EML5: variants seen among roughly 807,000 people sequenced by gnomAD.
The protein encoded by EML5 is EMAP like 5.
A neutral mutation model predicts 250.0 loss-of-function variants in EML5; 120 were observed. The ratio of observed to expected loss-of-function variants is 0.48; its 90% confidence interval spans 0.41 to 0.56. EML5 has a LOEUF of 0.56. EML5 is among the 20% of genes least tolerant of loss of function. The probability of loss-of-function intolerance (pLI) is 0.00; values close to 1 mark genes in which losing one functional copy is unlikely to be tolerated. For missense variants in EML5, 2,006 were observed against 2,437.6 expected (o/e 0.82, Z 3.73); for synonymous variants, 771 against 806.5 (o/e 0.96, Z 0.75).
chr14:88,789,318 T>C (rs2094583246), intron 1 of EML5, among the ~76,000 whole-genome samples: 1 of 152,156 alleles, frequency 6.6e-6, no homozygotes. Flanking sequence ...CCAAAAGCCC[T>C]ATATTATTTC....
chr14:88,726,768 G>A (rs2093672462), intron 7 of EML5, 90 bp from the exon 8 acceptor site: 5 of 865,352 alleles, frequency 5.8e-6, no homozygotes, highest in Non-Finnish European at 8.2e-6. Flanking sequence ...TCTTAATTAA[G>A]ATAAATCTAG....
rs770431990 is a variant in EML5, at chr14:88,615,680, A to G, written c.*138T>C. The G allele has an allele frequency of 9.4e-5, 70 of 743,890 alleles. No individual in the cohort carries two copies. Among genetic ancestry groups the G allele is most frequent in the Middle Eastern group, 2.4e-4 (1 of 4,212 alleles). The allele number at this position is 743,890 out of a possible 1,614,324, so 46.1% of individuals were successfully genotyped here. On this transcript the variant is annotated 3_prime_UTR_variant, in exon 44 of 44. Transcript: ENST00000554922. ...AATATTTTGAACAGATCAGTCTTTC[A>G]CTATTTTGATGATTCTGGGCATTTC...
chr14:88,781,389 A>G (rs544113379), intron 1 of EML5, among the ~76,000 whole-genome samples: 52 of 152,326 alleles, frequency 3.4e-4, no homozygotes, highest in Admixed American at 3.2e-3. Flanking sequence ...ATAGATTTAT[A>G]AATCAGAATG....
At chr14:88,665,770 T>C (rs2092290230) in intron 21 of EML5, among the ~76,000 whole-genome samples, 1 of 152,058 alleles carries the variant, frequency 6.6e-6, no homozygotes, top group Non-Finnish European at 1.5e-5. Context: ...TAGACAGGCA[T>C]GGTGGCACAC....
intron 5 of EML5, among the ~76,000 whole-genome samples, chr14:88,739,889 T>C (rs1397677771): frequency 6.6e-6 from 1 of 152,224 alleles, no homozygotes; most frequent in Non-Finnish European, 1.5e-5. Context: ...AAGATCTTGC[T>C]GTTAACAACA....
intron 14 of EML5, 27 bp from the exon 15 acceptor site, chr14:88,696,979 A>G (rs1319974055): frequency 7.4e-7 from 1 of 1,360,084 alleles, no homozygotes; most frequent in African/African-American, 1.5e-5. Context: ...GAAGCTATTA[A>G]ATACAATTAA....
At chr14:88,711,059 T>A (rs2093397337) in intron 10 of EML5, among the ~76,000 whole-genome samples, 1 of 152,094 alleles carries the variant, frequency 6.6e-6, no homozygotes, top group Admixed American at 6.6e-5. Context: ...AAGAGGAAGA[T>A]CATCATGACT....
intron 10 of EML5, among the ~76,000 whole-genome samples, chr14:88,707,034 AT>A (rs908578198): frequency 6.6e-6 from 1 of 152,222 alleles, no homozygotes; most frequent in African/African-American, 2.4e-5. Flanking sequence ...AAATCTTTCA[AT>A]TTGGGTTTTG....
chr14:88,650,713 A>G (rs1309132921), intron 27 of EML5, among the ~76,000 whole-genome samples: 3 of 152,106 alleles, frequency 2.0e-5, no homozygotes, highest in Non-Finnish European at 4.4e-5. Flanking sequence ...ATCATAGCTC[A>G]CTGCAGCCTC....
At chr14:88,618,110 A>G in intron 41 of EML5, 118 bp downstream of exon 41, 1 of 715,426 alleles carries the variant, frequency 1.4e-6, no homozygotes, top group Non-Finnish European at 2.2e-6. Flanking sequence ...AAATATGGTA[A>G]CAAAAACTTG....
At chr14:88,718,370 A>G (rs2093536433) in intron 8 of EML5, among the ~76,000 whole-genome samples, 1 of 152,184 alleles carries the variant, frequency 6.6e-6, no homozygotes, top group South Asian at 2.1e-4. Context: ...AAAAGAAGAG[A>G]AAGTCTAGGC....
Position 88,740,559 on chromosome 14 carries a change from C to T in EML5, c.539G>A (p.Cys180Tyr). Reference protein sequence around the residue: ...GVKHIKFWSLCGNALTPKRGV... With the variant: ...GVKHIKFWSLYGNALTPKRGV... ...TCGTTTTGGGGTCAGAGCATTTCCA[C>T]ATAAACTCCAGAACTAAAAGGTATA... The change falls in exon 5 of 44, where the codon TGT becomes TAT. Residue 180 changes from cysteine to tyrosine, a missense_variant. Around this residue, in one of 7 missense-constraint regions of EML5, gnomAD observed 1,375 missense variants for 1,590.3 expected, o/e 0.86. Coordinates refer to ENST00000554922, the MANE Select transcript of EML5 (RefSeq NM_183387.3). The T allele has an allele frequency of 6.2e-7, 1 of 1,607,470 alleles. No homozygotes were observed. The highest frequency in any genetic ancestry group is 8.5e-7 in the Non-Finnish European group (1 of 1,177,488).
chr14:88,652,503 CTA>C (rs1203547773), intron 27 of EML5, among the ~76,000 whole-genome samples: 1 of 152,162 alleles, frequency 6.6e-6, no homozygotes, highest in Non-Finnish European at 1.5e-5. Context: ...GTAGTCATTT[CTA>C]TCTCTCTGAG....
chr14:88,618,104 A>T (rs1404446323), intron 41 of EML5, 124 bp downstream of exon 41: 7 of 655,014 alleles, frequency 1.1e-5, no homozygotes, highest in South Asian at 2.6e-5. Flanking sequence ...ATTTCAAAAT[A>T]TGGTAACAAA....
At chr14:88,707,270 T>TTTTTTTTATTTA (rs1555358227) in intron 10 of EML5, among the ~76,000 whole-genome samples, 2 of 145,526 alleles carry the variant, frequency 1.4e-5, no homozygotes. Context: ...TAGGGATATA[T>TTTTTTTTATTTA]TTTATTTATT....
In EML5 at chr14:88,736,545, A is replaced by G; in HGVS notation, c.868T>C (p.Cys290Arg). Residue 290 changes from cysteine to arginine, a missense_variant, in exon 7 of 44, where the codon TGT (cysteine) becomes CGT (arginine). This residue lies in a region of EML5 where 1,375 missense variants were observed against 1,590.3 expected (regional missense o/e 0.86). Coordinates refer to ENST00000554922, the MANE Select transcript of EML5 (RefSeq NM_183387.3). ...ACTAGAATGTGGTCACCTCGCCAACACACACTCCTTACAGACAAACCTAGT... is the reference window on the plus strand; with the variant it reads ...ACTAGAATGTGGTCACCTCGCCAACGCACACTCCTTACAGACAAACCTAGT... ...GYKGLSVRSVCWRGDHILVGT... is the reference protein window; with the variant it reads ...GYKGLSVRSVRWRGDHILVGT... 6.2e-7 allele frequency: 1 copy of G among 1,614,008 alleles called. No homozygotes were observed. Among genetic ancestry groups the G allele is most frequent in the African/African-American group, 1.3e-5 (1 of 75,046 alleles).
chr14:88,762,229 G>A (rs2094254713), intron 1 of EML5, among the ~76,000 whole-genome samples: 1 of 152,116 alleles, frequency 6.6e-6, no homozygotes, highest in Non-Finnish European at 1.5e-5. Flanking sequence ...CAAAGACACG[G>A]GCCATGCGTA....
chr14:88,618,154 T>C (rs2088057888), intron 41 of EML5, 74 bp downstream of exon 41: 1 of 1,290,618 alleles, frequency 7.7e-7, no homozygotes, highest in Non-Finnish European at 1.1e-6. Flanking sequence ...GGAATGGCTC[T>C]AACAGTTCAG....
chr14:88,688,703 A>C (rs2141252978), intron 17 of EML5, among the ~76,000 whole-genome samples: 1 of 152,358 alleles, frequency 6.6e-6, no homozygotes, highest in South Asian at 2.1e-4. Context: ...AGTCTGTTTT[A>C]ATCAGCCCTT....
Sources: gnomAD v4.1 joint callset for allele counts (sites outside exome capture counted in the v4.1 genomes callset) on GRCh38, gnomAD v4.1.1 for gene constraint, gnomAD v4.1.1 regional missense constraint, MANE v1.5 for transcripts, NCBI Gene and HGNC (gene_info 2026-07-23, HGNC 2026-07-21) for gene names.